SP8: variants seen among roughly 807,000 people sequenced by gnomAD.
SP8 encodes Sp8 transcription factor.
Under a neutral mutation model 15.3 loss-of-function variants are expected in SP8, and 7 were observed. That is an observed-to-expected ratio of 0.46 (90% CI 0.26 to 0.86). SP8 has a LOEUF of 0.86. SP8 is among the 40% of genes least tolerant of loss of function. SP8 has a pLI of 0.16. For synonymous variants in SP8, 415 were observed against 356.3 expected, an observed-to-expected ratio of 1.16 and a Z score of -1.86; for missense variants, 731 against 736.4, an observed-to-expected ratio of 0.99 and a Z score of 0.09.
In SP8 at chr7:20,786,513, G is replaced by C. The variant is rs1783682014; in HGVS notation, c.21+265C>G. Among the ~76,000 whole-genome samples, 1 of 152,122 alleles carries C rather than the reference G, an allele frequency of 6.6e-6. No individual in the cohort carries two copies. Among genetic ancestry groups the C allele is most frequent in the Non-Finnish European group, 1.5e-5 (1 of 68,034 alleles). On this transcript the variant is annotated intron_variant, in intron 1 of 1. Transcript: ENST00000418710. This position sits in a 1 kb window ranked among gnomAD's most constrained non-coding sequence, Gnocchi z 4.4. ...GTGCCTGTAAAATGGGCTGGACGCA[G>C]GTCTCCCGGGCAGGGAGCAGCGAGG...
Position 20,784,429 on chromosome 7 carries a change from C to T in SP8, c.1388G>A (p.Gly463Asp). ...GCCGCTGCCCGAGCCCGCCGAGCCG[C>T]CGCCGCCGCCGCCGCCACTGTGCGT... ...VKTHSGGGGG[G>D]GSAGSGSGGK... The change falls in exon 2 of 2, where the codon GGC (glycine) becomes GAC (aspartate). Residue 463 changes from glycine (G) to aspartate (D), a missense_variant. Gly to Asp is a moderately conservative substitution (Grantham distance 94). Around this residue, in one of 3 missense-constraint regions of SP8, gnomAD observed 114 missense variants for 111.9 expected, o/e 1.02. Transcript: ENST00000418710. 2 of 1,532,202 alleles carry T rather than the reference C, an allele frequency of 1.3e-6. No homozygotes were observed. Among genetic ancestry groups the T allele is most frequent in the Non-Finnish European group, 8.8e-7 (1 of 1,142,132 alleles). The allele number at this position is 1,532,202 out of a possible 1,614,324, so 94.9% of individuals were successfully genotyped here. A position where few individuals can be genotyped will look rare whatever the true frequency, so the allele number is the denominator to read the frequency against.
chr7:20,783,434 C>G lies in SP8; in HGVS notation c.*856G>C, dbSNP rs1783555427. On this transcript the variant is annotated 3_prime_UTR_variant, in exon 2 of 2. Transcript: ENST00000418710. ...CAGTTTCGAGAGAAAGATTGCTCCC[C>G]GTTAGAGGAAAAAACTATTATAGAA... 1 of 151,292 alleles carries G rather than the reference C, an allele frequency of 6.6e-6. No homozygotes were observed. Among genetic ancestry groups the G allele is most frequent in the Non-Finnish European group, 1.5e-5 (1 of 67,784 alleles). The allele number at this position is 151,292 out of a possible 1,614,324, so 9.4% of individuals were successfully genotyped here.
chr7:20,784,581 G>T lies in SP8; in HGVS notation c.1236C>A (p.Gly412=), dbSNP rs1243037377. 3.1e-6 allele frequency: 5 copies of T among 1,605,778 alleles called. No homozygotes were observed. The highest frequency in any genetic ancestry group is 1.7e-6 in the Non-Finnish European group (2 of 1,177,380). ...RPFVCNWLFC[G]KRFTRSDELQ... ...GCTCGTCGGAGCGCGTGAAGCGCTTGCCGCAGAAAAGCCAGTTGCACACGA... is the reference window on the plus strand; with the variant it reads ...GCTCGTCGGAGCGCGTGAAGCGCTTTCCGCAGAAAAGCCAGTTGCACACGA... Residue 412 remains glycine (G), a synonymous_variant, in exon 2 of 2, where the codon GGC becomes GGA. Coordinates refer to ENST00000418710, the MANE Select transcript of SP8 (RefSeq NM_182700.6).
In SP8 at chr7:20,784,813, C is replaced by G. The variant is rs1431368530; in HGVS notation, c.1004G>C (p.Gly335Ala). The G allele has an allele frequency of 3.9e-6, 6 of 1,527,328 alleles. No individual in the cohort carries two copies. In the Admixed American group the frequency reaches 9.9e-5, roughly 25 times the overall value. 94.6% of individuals were successfully genotyped at this position (1,527,328 alleles called of 1,614,324 possible). Residue 335 changes from glycine to alanine, a missense_variant, in exon 2 of 2, where the codon GGC (glycine) becomes GCC (alanine). Gly to Ala is a moderately conservative substitution (Grantham distance 60). This residue lies in a region of SP8 where 586 missense variants were observed against 524.9 expected (regional missense o/e 1.12). Transcript: ENST00000418710. ...GCGGCGAGCTGAGGAGCGCGGGGAGCCCCCCAGCGGCGCCGAAGGCCCAGC... is the reference window on the plus strand; with the variant it reads ...GCGGCGAGCTGAGGAGCGCGGGGAGGCCCCCAGCGGCGCCGAAGGCCCAGC... The part of the protein sequence containing the change: ...LSAGPSAPLG[G>A]SPRSSARRYS...
rs185796187 is a variant in SP8, at chr7:20,785,330, C to T, written c.487G>A (p.Gly163Ser). Residue 163 changes from glycine to serine, a missense_variant, in exon 2 of 2, where the codon GGC (glycine) becomes AGC (serine). Around this residue, in one of 3 missense-constraint regions of SP8, gnomAD observed 586 missense variants for 524.9 expected, o/e 1.12. Coordinates refer to ENST00000418710, the MANE Select transcript of SP8 (RefSeq NM_182700.6). This position sits in a 1 kb window ranked among gnomAD's most constrained non-coding sequence, Gnocchi z 7.2. ...GGSGGGGGGG[G>S]GGSSAHSQDG... The stretch of plus-strand genomic sequence containing the variant: ...TGCGAGTGCGCGGAGGAGCCGCCGC[C>T]GCCGCCCCCGCCGCCGCCGCCGCTG... 3 of 1,383,132 alleles carry T rather than the reference C, an allele frequency of 2.2e-6. No individual in the cohort carries two copies. The highest frequency in any genetic ancestry group is 2.6e-5 in the Admixed American group (1 of 37,920). The allele number at this position is 1,383,132 out of a possible 1,614,324, so 85.7% of individuals were successfully genotyped here. A position where few individuals can be genotyped will look rare whatever the true frequency, so the allele number is the denominator to read the frequency against.
In SP8 at chr7:20,783,867, T is replaced by G; in HGVS notation, c.*423A>C. On this transcript the variant is annotated 3_prime_UTR_variant, in exon 2 of 2. Transcript: ENST00000418710. ...CGCTCAGGCTTGTCAGCCGAGCCGC[T>G]CCTGCCCGCGCGAGGCCCGCTGTCT... 1 of 16,396 alleles carries G rather than the reference T, an allele frequency of 6.1e-5. No individual in the cohort carries two copies. The highest frequency in any genetic ancestry group is 8.4e-5 in the Non-Finnish European group (1 of 11,968). 1.0% of individuals were successfully genotyped at this position (16,396 alleles called of 1,614,324 possible).
Position 20,785,094 on chromosome 7 carries a change from C to T in SP8, c.723G>A (p.Pro241=), listed in dbSNP as rs896056406. 2 of 1,584,368 alleles carry T rather than the reference C, an allele frequency of 1.3e-6. No homozygotes were observed. Among genetic ancestry groups the T allele is most frequent in the Non-Finnish European group, 1.7e-6 (2 of 1,170,836 alleles). ...VGAGWIDVQN[P]NSAAALPGSL... is the part of the protein sequence containing the mutation. ...AGCCGGGCAGCGCAGCCGCGCTGTT[C>T]GGGTTCTGCACGTCGATCCAGCCGG... The change falls in exon 2 of 2, where the codon CCG becomes CCA. Residue 241 remains proline, a synonymous_variant. Transcript: ENST00000418710. This position sits in a 1 kb window ranked among gnomAD's most constrained non-coding sequence, Gnocchi z 7.2.
Position 20,784,803 on chromosome 7 carries a change from G to C in SP8, c.1014C>G (p.Arg338=). 1 of 1,530,686 alleles carries C rather than the reference G, an allele frequency of 6.5e-7. No homozygotes were observed. The highest frequency in any genetic ancestry group is 8.7e-7 in the Non-Finnish European group (1 of 1,145,362). 94.8% of individuals were successfully genotyped at this position (1,530,686 alleles called of 1,614,324 possible). A position where few individuals can be genotyped will look rare whatever the true frequency, so the allele number is the denominator to read the frequency against. The change falls in exon 2 of 2, where the codon CGC becomes CGG. Residue 338 remains arginine (R), a synonymous_variant. Coordinates refer to ENST00000418710, the MANE Select transcript of SP8 (RefSeq NM_182700.6). ...GGCCGGAGTAGCGGCGAGCTGAGGAGCGCGGGGAGCCCCCCAGCGGCGCCG... is the reference window on the plus strand; with the variant it reads ...GGCCGGAGTAGCGGCGAGCTGAGGACCGCGGGGAGCCCCCCAGCGGCGCCG... The part of the protein sequence containing the change: ...GPSAPLGGSP[R]SSARRYSGRA...
At position 20,785,556 on chromosome 7, in the gene SP8, A is replaced by C. The variant is rs774244201; in HGVS notation, c.261T>G (p.Ala87=). The C allele has an allele frequency of 6.7e-6, 9 of 1,336,180 alleles. No individual in the cohort carries two copies. Among genetic ancestry groups the C allele is most frequent in the Middle Eastern group, 3.0e-4 (1 of 3,374 alleles). The allele number at this position is 1,336,180 out of a possible 1,614,324, so 82.8% of individuals were successfully genotyped here. The part of the protein sequence containing the change: ...ASRNGGSSSA[A]AAAAAAAAAA... ...CCGCGGCTGCTGCCGCGGCCGCCGC[A>C]GCCGCCGAGGACGAGCCGCCGTTCC... The change falls in exon 2 of 2, where the codon GCT becomes GCG. Residue 87 remains alanine (A), a synonymous_variant. Transcript: ENST00000418710. The surrounding 1 kb of genome is among the most constrained non-coding windows in gnomAD (Gnocchi z 7.2).
rs1783684151 is a variant in SP8, at chr7:20,786,587, GA to G, written c.21+190del. On this transcript the variant is annotated intron_variant, in intron 1 of 1. Transcript: ENST00000418710. This position sits in a 1 kb window ranked among gnomAD's most constrained non-coding sequence, Gnocchi z 4.4. ...TGCCCTTCGAACCTTTTCCTGCGCT[GA>G]AAAAAAGTGACTCTGCCCCCTTCTC... Among the ~76,000 whole-genome samples, 1 of 150,794 alleles carries G rather than the reference GA, an allele frequency of 6.6e-6. No homozygotes were observed.
Position 20,786,803 on chromosome 7 carries a change from C to A in SP8, c.-5G>T. On this transcript the variant is annotated 5_prime_UTR_variant, in exon 1 of 2. Transcript: ENST00000418710. This position sits in a 1 kb window ranked among gnomAD's most constrained non-coding sequence, Gnocchi z 4.4. Reference sequence around the variant, plus strand: ...CCCTAGAAGTGAAGTTGCCATCACACAAAAGTGCCCTCCTCCTCTCAGAGG... The same window carrying A: ...CCCTAGAAGTGAAGTTGCCATCACAAAAAAGTGCCCTCCTCCTCTCAGAGG... 6.2e-7 allele frequency: 1 copy of A among 1,612,458 alleles called. No homozygotes were observed. The highest frequency in any genetic ancestry group is 8.5e-7 in the Non-Finnish European group (1 of 1,178,444).
At position 20,783,195 on chromosome 7, in the gene SP8, T is replaced by C. The variant is rs1254803351; in HGVS notation, c.*1095A>G. ...TTGAGAGAATTTACGAAATTGGTAC[T>C]ATACAATTGACGGCCGGACTAACAA... On this transcript the variant is annotated 3_prime_UTR_variant, in exon 2 of 2. Coordinates refer to ENST00000418710, the MANE Select transcript of SP8 (RefSeq NM_182700.6). 2 of 502 alleles carry C rather than the reference T, an allele frequency of 4.0e-3. No homozygotes were observed. The highest frequency in any genetic ancestry group is 0.053 in the Non-Finnish European group (2 of 38). 0.0% of individuals were successfully genotyped at this position (502 alleles called of 1,614,324 possible).
At position 20,786,187 on chromosome 7, in the gene SP8, T is replaced by C. The variant is rs927591283; in HGVS notation, c.22-392A>G. 16 of 297,328 alleles carry C rather than the reference T, an allele frequency of 5.4e-5. No individual in the cohort carries two copies. The highest frequency in any genetic ancestry group is 1.0e-4 in the South Asian group (1 of 9,658). The allele number at this position is 297,328 out of a possible 1,614,324, so 18.4% of individuals were successfully genotyped here. ...TGCCGAGAAGCCTGGGGGAAAACCA[T>C]TGGATTGCTTTTAAGAGCGCTTCCC... On this transcript the variant is annotated intron_variant, in intron 1 of 1. Coordinates refer to ENST00000418710, the MANE Select transcript of SP8 (RefSeq NM_182700.6). The surrounding 1 kb of genome is among the most constrained non-coding windows in gnomAD (Gnocchi z 4.4).
At position 20,785,586 on chromosome 7, in the gene SP8, G is replaced by A; in HGVS notation, c.231C>T (p.Ala77=). 3 of 1,609,242 alleles carry A rather than the reference G, an allele frequency of 1.9e-6. No homozygotes were observed. The highest frequency in any genetic ancestry group is 2.5e-6 in the Non-Finnish European group (3 of 1,178,418). Residue 77 remains alanine, a synonymous_variant, in exon 2 of 2, where the codon GCC becomes GCT. Coordinates refer to ENST00000418710, the MANE Select transcript of SP8 (RefSeq NM_182700.6). This position sits in a 1 kb window ranked among gnomAD's most constrained non-coding sequence, Gnocchi z 7.2. ...CCGAGGACGAGCCGCCGTTCCTGGA[G>A]GCCCCGGACACGCCGAAGCTTGAGA... ...SSLSSFGVSG[A]SRNGGSSSAA...
Position 20,785,967 on chromosome 7 carries a change from C to T in SP8, c.22-172G>A. The T allele has an allele frequency of 6.9e-7, 1 of 1,447,410 alleles. No homozygotes were observed. Among genetic ancestry groups the T allele is most frequent in the Admixed American group, 2.6e-5 (1 of 37,776 alleles). 89.7% of individuals were successfully genotyped at this position (1,447,410 alleles called of 1,614,324 possible). On this transcript the variant is annotated intron_variant, in intron 1 of 1. Transcript: ENST00000418710. This position sits in a 1 kb window ranked among gnomAD's most constrained non-coding sequence, Gnocchi z 7.2. ...ACTCACCTGGCACCCCCAACAGCCC[C>T]GGCGCCCGGCCGCTTCCTACTCTAC...
At position 20,784,148 on chromosome 7, in the gene SP8, G is replaced by A. The variant is rs1233839393; in HGVS notation, c.*142C>T. 2 of 737,996 alleles carry A rather than the reference G, an allele frequency of 2.7e-6. No individual in the cohort carries two copies. Among genetic ancestry groups the A allele is most frequent in the Non-Finnish European group, 2.0e-6 (1 of 505,636 alleles). The allele number at this position is 737,996 out of a possible 1,614,324, so 45.7% of individuals were successfully genotyped here. On this transcript the variant is annotated 3_prime_UTR_variant, in exon 2 of 2. Coordinates refer to ENST00000418710, the MANE Select transcript of SP8 (RefSeq NM_182700.6). ...TTACAAAGTTAAGTCACAGAAGGAA[G>A]AAGGAAGAGGGGCAGAAACAGAAAG... is the stretch of plus-strand genomic sequence containing the variant.
chr7:20,785,824 G>A lies in SP8; in HGVS notation c.22-29C>T. The A allele has an allele frequency of 6.3e-7, 1 of 1,590,802 alleles. No homozygotes were observed. The highest frequency in any genetic ancestry group is 8.6e-7 in the Non-Finnish European group (1 of 1,161,968). On this transcript the variant is annotated intron_variant, in intron 1 of 1. Transcript: ENST00000418710. The surrounding 1 kb of genome is among the most constrained non-coding windows in gnomAD (Gnocchi z 7.2). ...CGAGGAGGAGAGGAGAAGGAGTGGG[G>A]GAGGGGAGGTGGGCAAAGGGCCGGT...
rs761310871 is a variant in SP8 at position 20,785,073 on chromosome 7, G to C, written c.744C>G (p.Pro248=). ...CCCCGGCGGCAGGGTGCAGCGAGCC[G>C]GGCAGCGCAGCCGCGCTGTTCGGGT... ...VQNPNSAAAL[P]GSLHPAAGGL... The change falls in exon 2 of 2, where the codon CCC becomes CCG. Residue 248 remains proline (P), a synonymous_variant. Coordinates refer to ENST00000418710, the MANE Select transcript of SP8 (RefSeq NM_182700.6). The surrounding 1 kb of genome is among the most constrained non-coding windows in gnomAD (Gnocchi z 7.2). The C allele has an allele frequency of 7.0e-6, 11 of 1,581,286 alleles. No homozygotes were observed. Among genetic ancestry groups the C allele is most frequent in the South Asian group, 6.7e-5 (6 of 88,966 alleles).
At position 20,784,282 on chromosome 7, in the gene SP8, G is replaced by A. The variant is rs1389930679; in HGVS notation, c.*8C>T. On this transcript the variant is annotated 3_prime_UTR_variant, in exon 2 of 2. Transcript: ENST00000418710. ...AGGTCGGGGAGAGGGGCGGGCGCAG[G>A]GTGGGCGTCACTCTAGGCCGTTGCG... The A allele has an allele frequency of 2.7e-6, 4 of 1,460,754 alleles. No homozygotes were observed. The highest frequency in any genetic ancestry group is 3.6e-6 in the Non-Finnish European group (4 of 1,112,734). 90.5% of individuals were successfully genotyped at this position (1,460,754 alleles called of 1,614,324 possible). A position where few individuals can be genotyped will look rare whatever the true frequency, so the allele number is the denominator to read the frequency against.
Sources: gnomAD v4.1 joint callset for allele counts (sites outside exome capture counted in the v4.1 genomes callset) on GRCh38, gnomAD v4.1.1 for gene constraint, gnomAD v4.1.1 regional missense constraint, Gnocchi (gnomAD v3.1) non-coding constraint, MANE v1.5 for transcripts, NCBI Gene and HGNC (gene_info 2026-07-23, HGNC 2026-07-21) for gene names.